The following KEL variants were observed in gnomAD, a reference collection of about 807,000 sequenced individuals.
The protein encoded by KEL is kell blood group glycoprotein.
KEL carries 96 observed loss-of-function variants against 99.5 expected under a neutral mutation model. That is an observed-to-expected ratio of 0.97 (90% confidence interval 0.82 to 1.14). The LOEUF (loss-of-function observed/expected upper bound fraction) is 1.14, where lower values mean the gene tolerates loss of function less well. Among genes scored for constraint, KEL ranks in the 50% most tolerant of loss-of-function variants. The probability of loss-of-function intolerance (pLI) is 0.00; values close to 1 mark genes in which losing one functional copy is unlikely to be tolerated. For missense variants in KEL, 926 were observed against 924.2 expected (o/e 1.00, Z -0.03); for synonymous variants, 355 against 354.8 (o/e 1.00, Z -0.01).
intron 1 of KEL, 91 bp from the exon 2 acceptor site, chr7:142,961,963 C>T (rs553289992): frequency 1.7e-5 from 28 of 1,602,700 alleles, no homozygotes; most frequent in African/African-American, 4.0e-5. Context: ...TTGATACCCT[C>T]GCTGCCTGCC....
At chr7:142,957,114 G>T (rs1297855398) in intron 6 of KEL, among the ~76,000 whole-genome samples, 1 of 152,266 alleles carries the variant, frequency 6.6e-6, no homozygotes, top group Non-Finnish European at 1.5e-5. Context: ...GGAAACGAAA[G>T]TAGGGAGAGC....
rs1016119292 is a variant in KEL, at chr7:142,941,497, A to C, written c.2038-84T>G. 2.2e-6 allele frequency: 3 copies of C among 1,337,690 alleles called. No homozygotes were observed. In the East Asian group the frequency reaches 7.0e-5, roughly 31 times the overall value. The allele number at this position is 1,337,690 out of a possible 1,614,324, so 82.9% of individuals were successfully genotyped here. On this transcript the variant is annotated intron_variant, in intron 18 of 18. Transcript: ENST00000355265. ...GACAAGGGGTGATCAGGGACAGCAG[A>C]CAAAGAGGGGAACCAGGGGATCAAG...
At chr7:142,961,286 G>A (rs944911358) in intron 3 of KEL, 74 bp downstream of exon 3, 16 of 1,604,298 alleles carry the variant, frequency 1.0e-5, no homozygotes, top group Non-Finnish European at 1.4e-5. Context: ...AGAAGCCCCA[G>A]GAGCAGGGAC....
At chr7:142,960,628 G>C (rs895646053) in intron 4 of KEL, among the ~76,000 whole-genome samples, 2 of 152,188 alleles carry the variant, frequency 1.3e-5, no homozygotes, top group African/African-American at 4.8e-5. Context: ...TGGATACATG[G>C]AGAAGCAAAG....
intron 10 of KEL, among the ~76,000 whole-genome samples, chr7:142,948,718 C>T (rs529354849): frequency 2.9e-4 from 44 of 152,194 alleles, no homozygotes; most frequent in African/African-American, 8.9e-4. Flanking sequence ...ATATGAAAGA[C>T]CGGAAGCCGC....
Position 142,961,419 on chromosome 7 carries a change from A to C in KEL, c.164T>G (p.Leu55Trp), listed in dbSNP as rs780610965. The change falls in exon 3 of 19, where the codon TTG (leucine) becomes TGG (tryptophan). Residue 55 changes from leucine to tryptophan, a missense_variant. Transcript: ENST00000355265. ...CACAGAAAAACAAAGGAGCAGGCCCAAAATCAGGATAGCTGTCAGCACCCG... is the reference window on the plus strand; with the variant it reads ...CACAGAAAAACAAAGGAGCAGGCCCCAAATCAGGATAGCTGTCAGCACCCG... ...ARRVLTAILI[L>W]GLLLCFSVLL... 1.2e-6 allele frequency: 2 copies of C among 1,613,794 alleles called. No homozygotes were observed. Among genetic ancestry groups the C allele is most frequent in the South Asian group, 2.2e-5 (2 of 91,068 alleles).
intron 1 of KEL, 68 bp downstream of exon 1, chr7:142,962,136 G>A (rs1428871421): frequency 6.2e-6 from 10 of 1,612,828 alleles, no homozygotes; most frequent in Admixed American, 1.7e-5. Flanking sequence ...TCCAGTGGGG[G>A]CAGGACTTTT....
In KEL at chr7:142,957,846, G is replaced by A; in HGVS notation, c.653C>T (p.Pro218Leu). Reference sequence around the variant, plus strand: ...CCTCACCTGGATGACTGGTGTGTGTGGAGAGGCAGGATGAGGTCCTAGGTA... The same window carrying A: ...CCTCACCTGGATGACTGGTGTGTGTAGAGAGGCAGGATGAGGTCCTAGGTA... ...RAYLGPHPAS[P>L]HTPVIQIDQP... The change falls in exon 6 of 19, where the codon CCA becomes CTA. Residue 218 changes from proline (P) to leucine (L), a missense_variant. Physicochemically the swap from Pro to Leu is moderately conservative, Grantham distance 98 (BLOSUM62 -3). Transcript: ENST00000355265. 6.2e-7 allele frequency: 1 copy of A among 1,614,108 alleles called. No individual in the cohort carries two copies. The highest frequency in any genetic ancestry group is 2.2e-5 in the East Asian group (1 of 44,848).
chr7:142,958,925 G>A (rs887840491), intron 4 of KEL, among the ~76,000 whole-genome samples: 7 of 152,074 alleles, frequency 4.6e-5, no homozygotes, highest in East Asian at 1.9e-4. Context: ...CTGTCAATCC[G>A]GAAATGTTTA....
chr7:142,962,173 G>T, intron 1 of KEL, 31 bp downstream of exon 1: 1 of 1,613,810 alleles, frequency 6.2e-7, no homozygotes, highest in East Asian at 2.2e-5. Context: ...ACCCCTCCCC[G>T]CTAAGCCTCT....
At chr7:142,942,802 T>G (rs942761578) in intron 17 of KEL, 73 bp downstream of exon 17, 1 of 1,568,528 alleles carries the variant, frequency 6.4e-7, no homozygotes, top group Admixed American at 1.7e-5. Flanking sequence ...TCAGGAATGG[T>G]GGAAGGAAAA....
In KEL at chr7:142,944,656, A is replaced by G; in HGVS notation, c.1400T>C (p.Met467Thr). 1 of 1,613,770 alleles carries G rather than the reference A, an allele frequency of 6.2e-7. No individual in the cohort carries two copies. Among genetic ancestry groups the G allele is most frequent in the South Asian group, 1.1e-5 (1 of 91,066 alleles). Residue 467 changes from methionine (M) to threonine (T), a missense_variant, in exon 12 of 19, where the codon ATG (methionine) becomes ACG (threonine). Met to Thr is a moderately conservative substitution (Grantham distance 81, BLOSUM62 -1). Transcript: ENST00000355265. The part of the protein sequence containing the change: ...LPWMNEETQN[M>T]AQDKVAQLQV... ...GCCTGGCCTGACCTTGTCCTGGGCCATGTTCTGGGTCTCCTCATTCATCCA... is the reference window on the plus strand; with the variant it reads ...GCCTGGCCTGACCTTGTCCTGGGCCGTGTTCTGGGTCTCCTCATTCATCCA...
intron 10 of KEL, among the ~76,000 whole-genome samples, chr7:142,947,736 T>C (rs950386142): frequency 8.5e-5 from 13 of 152,158 alleles, no homozygotes; most frequent in African/African-American, 2.7e-4. Context: ...TTGGCCAGGC[T>C]GGTCTCAAAC....
At chr7:142,945,952 G>C in intron 11 of KEL, 1 of 562,926 alleles carries the variant, frequency 1.8e-6, no homozygotes, top group South Asian at 2.1e-5. Context: ...GATGGTTGAA[G>C]AAACACAAGA....
intron 10 of KEL, among the ~76,000 whole-genome samples, chr7:142,947,405 C>T (rs1796562396): frequency 6.6e-6 from 1 of 152,100 alleles, no homozygotes; most frequent in Admixed American, 6.5e-5. Context: ...CTACAGGAAA[C>T]AGACCAAAGA....
In KEL at chr7:142,961,419, A is replaced by G. The variant is rs780610965; in HGVS notation, c.164T>C (p.Leu55Ser). 3.1e-6 allele frequency: 5 copies of G among 1,613,676 alleles called. No individual in the cohort carries two copies. The East Asian group carries it at 1.1e-4, about 36-fold the overall frequency. Reference protein sequence around the residue: ...ARRVLTAILILGLLLCFSVLL... With the variant: ...ARRVLTAILISGLLLCFSVLL... The stretch of plus-strand genomic sequence containing the variant: ...CACAGAAAAACAAAGGAGCAGGCCC[A>G]AAATCAGGATAGCTGTCAGCACCCG... The change falls in exon 3 of 19, where the codon TTG becomes TCG. Residue 55 changes from leucine (L) to serine (S), a missense_variant. Coordinates refer to ENST00000355265, the MANE Select transcript of KEL (RefSeq NM_000420.3).
Position 142,952,527 on chromosome 7 carries a change from C to G in KEL, c.1185G>C (p.Leu395=), listed in dbSNP as rs1449084274. The G allele has an allele frequency of 6.2e-7, 1 of 1,613,922 alleles. No homozygotes were observed. The highest frequency in any genetic ancestry group is 8.5e-7 in the Non-Finnish European group (1 of 1,180,034). ...TCCTCACCATGGGTGGTTGCTCTGT[C>G]AGTTCCCGCAGTTTCTGGCTGAGCT... ...RRKLSQKLRE[L]TEQPPMPARP... The change falls in exon 10 of 19, where the codon CTG becomes CTC. Residue 395 remains leucine (L), a synonymous_variant. Transcript: ENST00000355265.
intron 9 of KEL, 55 bp downstream of exon 9, chr7:142,953,752 CG>C: frequency 6.3e-7 from 1 of 1,599,500 alleles, no homozygotes; most frequent in East Asian, 2.2e-5. Flanking sequence ...CCAAGATCTA[CG>C]GTGCTCAGGC....
In KEL at chr7:142,944,340, G is replaced by A. The variant is rs932456335; in HGVS notation, c.1474C>T (p.Arg492Ter). The change falls in exon 13 of 19, where the codon CGA becomes TGA. Residue 492 changes from arginine to a stop codon, truncating the protein, a stop_gained. Coordinates refer to ENST00000355265, the MANE Select transcript of KEL (RefSeq NM_000420.3). LOFTEE classifies it high-confidence loss of function. ...GGACCCACATCGTTGTATTCTTGTC[G>A]GGCCAGCTCTGGCTTCAGGGCCCAT... The part of the protein sequence containing the change: ...SEWALKPELA[R>*]QEYNDIQLGS... 12 of 1,613,700 alleles carry A rather than the reference G, an allele frequency of 7.4e-6. No individual in the cohort carries two copies. In the East Asian group the frequency reaches 1.1e-4, roughly 15 times the overall value.
Sources: allele counts gnomAD v4.1 joint callset (sites outside exome capture counted in the v4.1 genomes callset), GRCh38; gene constraint gnomAD v4.1.1; transcripts MANE v1.5; gene names NCBI Gene and HGNC (gene_info 2026-07-23, HGNC 2026-07-21).